CACNA1D: variants seen among roughly 807,000 people sequenced by gnomAD.
The protein encoded by CACNA1D is calcium voltage-gated channel subunit alpha1 D.
CACNA1D carries 55 observed loss-of-function variants against 257.1 expected under a neutral mutation model. That is an observed-to-expected ratio of 0.21 (90% CI 0.17 to 0.27). CACNA1D has a LOEUF of 0.27. Among genes scored for constraint, CACNA1D ranks in the 10% least tolerant of loss-of-function variants. The pLI, the probability that CACNA1D is intolerant of heterozygous loss-of-function variation, is 1.00. For synonymous variants in CACNA1D, 980 were observed against 1,014.9 expected, an observed-to-expected ratio of 0.97 and a Z score of 0.65; for missense variants, 1,876 against 2,784.0, an observed-to-expected ratio of 0.67 and a Z score of 7.34.
intron 4 of CACNA1D, among the ~76,000 whole-genome samples, chr3:53,656,778 T>C (rs1377495143): frequency 1.3e-5 from 2 of 152,198 alleles, no homozygotes; most frequent in South Asian, 2.1e-4. Flanking sequence ...AAAGAAGATA[T>C]GTGAATCATC....
intron 39 of CACNA1D, chr3:53,786,374 A>C (rs2095452967): frequency 5.3e-6 from 1 of 186,940 alleles, no homozygotes; most frequent in Non-Finnish European, 1.1e-5. Flanking sequence ...CTAGGTCTCT[A>C]TCTTGAGACA....
chr3:53,505,353 C>A (rs2090795024), intron 3 of CACNA1D, among the ~76,000 whole-genome samples: 1 of 152,006 alleles, frequency 6.6e-6, no homozygotes, highest in South Asian at 2.1e-4. Context: ...TTGTGATCTG[C>A]CCGCCTCGGC....
At chr3:53,618,190 C>T (rs909153184) in intron 3 of CACNA1D, among the ~76,000 whole-genome samples, 2 of 152,194 alleles carry the variant, frequency 1.3e-5, no homozygotes, top group African/African-American at 2.4e-5. Context: ...CAGTGTGTGT[C>T]TTTACCTCAG....
At chr3:53,697,316 G>A (rs1466041859) in intron 8 of CACNA1D, among the ~76,000 whole-genome samples, 1 of 152,218 alleles carries the variant, frequency 6.6e-6, no homozygotes, top group East Asian at 1.9e-4. Context: ...TCCTGAAGGA[G>A]TAGGAGTAGG....
chr3:53,682,304 G>A (rs73090236), intron 8 of CACNA1D, among the ~76,000 whole-genome samples: 3,420 of 144,484 alleles, frequency 0.024, 73 homozygotes, highest in Non-Finnish European at 0.031. Flanking sequence ...GAGGTGGAAG[G>A]GTTGCTTGAG....
chr3:53,534,686 C>G (rs2092060091), intron 3 of CACNA1D, among the ~76,000 whole-genome samples: 1 of 152,242 alleles, frequency 6.6e-6, no homozygotes, highest in South Asian at 2.1e-4. Flanking sequence ...TACCTTCTGT[C>G]ACATTCACAT....
intron 8 of CACNA1D, among the ~76,000 whole-genome samples, chr3:53,693,006 C>T (rs1050159736): frequency 2.0e-4 from 31 of 152,216 alleles, no homozygotes; most frequent in African/African-American, 7.2e-4. Flanking sequence ...CATGCCACTG[C>T]ACTCCAGCCT....
chr3:53,590,857 G>A (rs1225336533), intron 3 of CACNA1D, among the ~76,000 whole-genome samples: 4 of 152,156 alleles, frequency 2.6e-5, no homozygotes, highest in South Asian at 4.2e-4. Context: ...GTGAGCATCC[G>A]GAAACATCTG....
chr3:53,755,544 C>T (rs17053476), intron 29 of CACNA1D, among the ~76,000 whole-genome samples: 8,991 of 152,166 alleles, frequency 0.059, 922 homozygotes, highest in African/African-American at 0.2. Flanking sequence ...ACTGATAGAT[C>T]GGAGTTTTTA....
chr3:53,495,978 C>A lies in CACNA1D; in HGVS notation c.67+745C>A, dbSNP rs1280007116. Reference sequence around the variant, plus strand: ...CCCCTTTGGAGACCGCCAGTGCCCCCCAACCCCTGTCGGCTGGAAGCCTTT... The same window carrying A: ...CCCCTTTGGAGACCGCCAGTGCCCCACAACCCCTGTCGGCTGGAAGCCTTT... On this transcript the variant is annotated intron_variant, in intron 1 of 47. Coordinates refer to ENST00000350061, the MANE Select transcript of CACNA1D (RefSeq NM_001128840.3). The surrounding 1 kb of genome is among the most constrained non-coding windows in gnomAD (Gnocchi z 5.1). 6.6e-6 allele frequency among the ~76,000 whole-genome samples: 1 copy of A among 152,238 alleles called. No homozygotes were observed. Among genetic ancestry groups the A allele is most frequent in the Non-Finnish European group, 1.5e-5 (1 of 68,042 alleles).
Position 53,808,832 on chromosome 3 carries a change from G to A in CACNA1D, c.5871+62G>A. The A allele has an allele frequency of 3.2e-6, 5 of 1,565,910 alleles. No individual in the cohort carries two copies. In the Admixed American group the frequency reaches 8.4e-5, roughly 26 times the overall value. On this transcript the variant is annotated intron_variant, in intron 46 of 47. Coordinates refer to ENST00000350061, the MANE Select transcript of CACNA1D (RefSeq NM_001128840.3). ...GGCACCCCACATAGGACCCCCATCAGGTCACTCCCTTCTCCTTGGCCTTAA... is the reference window on the plus strand; with the variant it reads ...GGCACCCCACATAGGACCCCCATCAAGTCACTCCCTTCTCCTTGGCCTTAA...
At chr3:53,764,369 TC>T (rs2095320638) in intron 30 of CACNA1D, among the ~76,000 whole-genome samples, 1 of 152,204 alleles carries the variant, frequency 6.6e-6, no homozygotes, top group South Asian at 2.1e-4. Context: ...ACATGAAAAT[TC>T]TGGAACATAC....
chr3:53,743,140 C>G, intron 22 of CACNA1D, 23 bp downstream of exon 22: 1 of 1,457,032 alleles, frequency 6.9e-7, no homozygotes, highest in Non-Finnish European at 9.6e-7. Context: ...GGGTGTGTGC[C>G]CAGAATTGTT....
At chr3:53,550,226 T>C (rs2092502669) in intron 3 of CACNA1D, among the ~76,000 whole-genome samples, 1 of 152,126 alleles carries the variant, frequency 6.6e-6, no homozygotes, top group South Asian at 2.1e-4. Context: ...CAAGATCCCT[T>C]TCTGCACATG....
chr3:53,672,773 TGTGTG>T (rs2094336423), intron 7 of CACNA1D, among the ~76,000 whole-genome samples: 2 of 103,698 alleles, frequency 1.9e-5, no homozygotes, highest in Non-Finnish European at 4.0e-5. Flanking sequence ...TGTGTGTGTG[TGTGTG>T]TGTGTGTGTG....
chr3:53,571,642 A>G (rs1474111487), intron 3 of CACNA1D, among the ~76,000 whole-genome samples: 3 of 152,172 alleles, frequency 2.0e-5, no homozygotes, highest in African/African-American at 7.2e-5. Flanking sequence ...TGTCCTGTCC[A>G]TAGGGTGACA....
intron 3 of CACNA1D, among the ~76,000 whole-genome samples, chr3:53,617,776 AGGGACGCAGCTG>A (rs1227900890): frequency 6.6e-6 from 1 of 152,206 alleles, no homozygotes; most frequent in Non-Finnish European, 1.5e-5. Context: ...GCACTCAGCT[AGGGACGCAGCTG>A]GGGAGGTAGA....
chr3:53,805,466 T>C lies in CACNA1D; in HGVS notation c.5749+320T>C, dbSNP rs1299915875. On this transcript the variant is annotated intron_variant, in intron 45 of 47. Coordinates refer to ENST00000350061, the MANE Select transcript of CACNA1D (RefSeq NM_001128840.3). ...ATTGTCTTTGAACCTGGGACCATCC[T>C]GAGAGGGAGGCAAACCACACACATG... 2.0e-5 allele frequency among the ~76,000 whole-genome samples: 3 copies of C among 152,222 alleles called. 1 individual carries two copies. The highest frequency in any genetic ancestry group is 6.5e-5 in the Admixed American group (1 of 15,290).
intron 3 of CACNA1D, among the ~76,000 whole-genome samples, chr3:53,559,415 T>A (rs1387020551): frequency 6.6e-6 from 1 of 152,226 alleles, no homozygotes; most frequent in African/African-American, 2.4e-5. Flanking sequence ...GTTCTAGACA[T>A]CTTGAATATT....
Sources: allele counts gnomAD v4.1 joint callset (sites outside exome capture counted in the v4.1 genomes callset), GRCh38; gene constraint gnomAD v4.1.1; non-coding constraint Gnocchi (gnomAD v3.1); transcripts MANE v1.5; gene names NCBI Gene and HGNC (gene_info 2026-07-23, HGNC 2026-07-21).